The following TET2 variants were observed in gnomAD, a reference collection of about 807,000 sequenced individuals.
TET2 encodes tet methylcytosine dioxygenase 2, also known as methylcytosine dioxygenase TET2.
Under a neutral mutation model 142.9 loss-of-function variants are expected in TET2, and 299 were observed. That is an observed-to-expected ratio of 2.09 (90% CI 1.90 to 2.30). The LOEUF (loss-of-function observed/expected upper bound fraction) is 2.30, where lower values mean the gene tolerates loss of function less well. Ranked by LOEUF, TET2 falls within the 30% of genes most tolerant of loss-of-function variation. TET2 has a pLI of 0.00. For missense variants in TET2, 2,418 were observed against 2,378.0 expected (o/e 1.02, Z -0.35); for synonymous variants, 819 against 849.0 (o/e 0.96, Z 0.61).
chr4:105,245,831 A>G (rs1288578935), intron 6 of TET2, among the ~76,000 whole-genome samples: 1 of 152,214 alleles, frequency 6.6e-6, no homozygotes. Flanking sequence ...TGACGGTTTG[A>G]GATTCTAAAT....
At chr4:105,168,771 T>C (rs1043680457) in intron 1 of TET2, among the ~76,000 whole-genome samples, 2 of 152,100 alleles carry the variant, frequency 1.3e-5, no homozygotes, top group African/African-American at 4.8e-5. Context: ...CTAGAGTCCA[T>C]TGTGTCATTC....
chr4:105,162,942 T>C (rs1161726167), intron 1 of TET2, among the ~76,000 whole-genome samples: 1 of 152,128 alleles, frequency 6.6e-6, no homozygotes, highest in African/African-American at 2.4e-5. Flanking sequence ...TTTTGGGAAA[T>C]ATGCAATGAT....
In TET2 at chr4:105,237,754, A is replaced by G. The variant is rs1417723728; in HGVS notation, c.3409+403A>G. 5.1e-6 allele frequency: 6 copies of G among 1,166,342 alleles called. No individual in the cohort carries two copies. The Admixed American group carries it at 2.2e-4, about 43-fold the overall frequency. The allele number at this position is 1,166,342 out of a possible 1,614,324, so 72.2% of individuals were successfully genotyped here. A position where few individuals can be genotyped will look rare whatever the true frequency, so the allele number is the denominator to read the frequency against. On this transcript the variant is annotated intron_variant, in intron 3 of 10. Transcript: ENST00000380013. The stretch of plus-strand genomic sequence containing the variant: ...AGGCAGTCTAATGTACGAACTTTAA[A>G]TATTTTTTAATTCAAGGTAAAATAT...
At chr4:105,160,431 T>G (rs935678869) in intron 1 of TET2, among the ~76,000 whole-genome samples, 1 of 152,258 alleles carries the variant, frequency 6.6e-6, no homozygotes, top group African/African-American at 2.4e-5. Flanking sequence ...GGTTTGAATA[T>G]TTAAAATATG....
chr4:105,222,043 CTCA>C (rs1310213081), intron 2 of TET2, among the ~76,000 whole-genome samples: 2 of 150,506 alleles, frequency 1.3e-5, no homozygotes, highest in Non-Finnish European at 3.0e-5. Flanking sequence ...AGGACATGAA[CTCA>C]TCATTTTTTA....
At chr4:105,184,412 T>G (rs1725303262) in intron 1 of TET2, among the ~76,000 whole-genome samples, 1 of 152,192 alleles carries the variant, frequency 6.6e-6, no homozygotes, top group Admixed American at 6.5e-5. Context: ...TCAGCCTTGT[T>G]TGGCTATCGT....
chr4:105,174,421 A>G (rs1025601221), intron 1 of TET2, among the ~76,000 whole-genome samples: 3 of 152,224 alleles, frequency 2.0e-5, no homozygotes, highest in Non-Finnish European at 4.4e-5. Context: ...AAAACACAAC[A>G]AGTAAAAAGC....
chr4:105,155,856 A>G (rs1462205458), intron 1 of TET2, among the ~76,000 whole-genome samples: 2 of 152,238 alleles, frequency 1.3e-5, no homozygotes, highest in African/African-American at 4.8e-5. Context: ...TTACTTTTTA[A>G]GAGTATGATC....
rs2110248990 is a variant in TET2, at chr4:105,241,387, C to T, written c.3458C>T (p.Ala1153Val). ...GGTCCTTTTTATACCCATCTAGGAG[C>T]AGGTCCTAATGTGGCAGCTATTAGA... ...DEGPFYTHLG[A>V]GPNVAAIREI... is the part of the protein sequence containing the mutation. The change falls in exon 4 of 11, where the codon GCA becomes GTA. Residue 1153 changes from alanine to valine, a missense_variant. Ala to Val is a moderately conservative substitution (Grantham distance 64, BLOSUM62 0). Transcript: ENST00000380013. The T allele has an allele frequency of 1.3e-6, 2 of 1,550,680 alleles. No homozygotes were observed. The highest frequency in any genetic ancestry group is 8.7e-7 in the Non-Finnish European group (1 of 1,146,620).
chr4:105,190,794 C>G (rs765233844), intron 2 of TET2: 2 of 299,544 alleles, frequency 6.7e-6, no homozygotes, highest in Non-Finnish European at 1.2e-5. Flanking sequence ...TCAAATGTAA[C>G]TATAAACATA....
intron 2 of TET2, among the ~76,000 whole-genome samples, chr4:105,225,375 G>GT (rs1243934405): frequency 6.6e-6 from 1 of 152,070 alleles, no homozygotes; most frequent in Non-Finnish European, 1.5e-5. Context: ...CGCTCTATGA[G>GT]TTTTTTATGT....
rs62332761 is a variant in TET2, at chr4:105,215,032, G to T, written c.-46-18865G>T. 6.0e-3 allele frequency among the ~76,000 whole-genome samples: 910 copies of T among 152,188 alleles called. 5 individuals are homozygous for T. The highest frequency in any genetic ancestry group is 0.01 in the Non-Finnish European group (697 of 68,016). ...GGGAACTGAGCGTTTAATCTACGGG[G>T]TCTGACACTGTCTCCGGGAATTAAA... is the stretch of plus-strand genomic sequence containing the variant. On this transcript the variant is annotated intron_variant, in intron 2 of 10. Coordinates refer to ENST00000380013, the MANE Select transcript of TET2 (RefSeq NM_001127208.3).
chr4:105,256,124 G>T (rs546572046), intron 6 of TET2, among the ~76,000 whole-genome samples: 2 of 151,994 alleles, frequency 1.3e-5, no homozygotes, highest in East Asian at 3.9e-4. Context: ...GATTGATATT[G>T]TCATTTAAAT....
At position 105,151,314 on chromosome 4, in the gene TET2, C is replaced by T. The variant is rs1723288135; in HGVS notation, c.-193+4335C>T. On this transcript the variant is annotated intron_variant, in intron 1 of 10. Transcript: ENST00000380013. ...CCAGCCCAGGCAAGAGGGAGAGACC[C>T]TATCTCAAACAGCGACAACAACAAA... is the stretch of plus-strand genomic sequence containing the variant. Among the ~76,000 whole-genome samples, 3 of 152,072 alleles carry T rather than the reference C, an allele frequency of 2.0e-5. No homozygotes were observed. In the South Asian group the frequency reaches 6.2e-4, roughly 32 times the overall value.
rs1237638072 is a variant in TET2, at chr4:105,244,584, A to ATCTTTTTTTTTTTTTTTT, written c.3803+807_3803+808insCTTTTTTTTTTTTTTTTT. On this transcript the variant is annotated intron_variant, in intron 6 of 10. Coordinates refer to ENST00000380013, the MANE Select transcript of TET2 (RefSeq NM_001127208.3). ...TGAATGTTCACGGTGCTACACAGAA[A>ATCTTTTTTTTTTTTTTTT]TGTTTTTTTTTTTTTTTTTTTTTTT... is the stretch of plus-strand genomic sequence containing the variant. Among the ~76,000 whole-genome samples the ATCTTTTTTTTTTTTTTTT allele has an allele frequency of 4.3e-4, 50 of 116,762 alleles. 4 individuals carry two copies. Among genetic ancestry groups the ATCTTTTTTTTTTTTTTTT allele is most frequent in the Non-Finnish European group, 6.5e-4 (38 of 58,240 alleles). The allele number at this position is 116,762 out of a possible 152,430, so 76.6% of individuals were successfully genotyped here. A position where few individuals can be genotyped will look rare whatever the true frequency, so the allele number is the denominator to read the frequency against.
chr4:105,160,479 T>C (rs9884482), intron 1 of TET2, among the ~76,000 whole-genome samples: 48,898 of 152,052 alleles, frequency 0.32, 9,496 homozygotes, highest in East Asian at 0.63. Flanking sequence ...CATCTAAGGA[T>C]CATTTGAGAT....
At chr4:105,159,850 A>G (rs1024953757) in intron 1 of TET2, among the ~76,000 whole-genome samples, 1 of 152,100 alleles carries the variant, frequency 6.6e-6, no homozygotes, top group Non-Finnish European at 1.5e-5. Flanking sequence ...CTAAAAATAC[A>G]AAAATTAGCT....
chr4:105,244,586 G>GTTTTTTTTTTT (rs566674796), intron 6 of TET2, among the ~76,000 whole-genome samples: 1 of 66,694 alleles, frequency 1.5e-5, no homozygotes, highest in Non-Finnish European at 3.4e-5. Flanking sequence ...ACACAGAAAT[G>GTTTTTTTTTTT]TTTTTTTTTT....
At chr4:105,171,842 C>T (rs368298853) in intron 1 of TET2, 2 of 152,160 alleles carry the variant, frequency 1.3e-5, no homozygotes, top group Admixed American at 6.5e-5. Context: ...CATATGCCTG[C>T]CTTTATCTGC....
Sources: gnomAD v4.1 joint callset for allele counts (sites outside exome capture counted in the v4.1 genomes callset) on GRCh38, gnomAD v4.1.1 for gene constraint, MANE v1.5 for transcripts, NCBI Gene and HGNC (gene_info 2026-07-23, HGNC 2026-07-21) for gene names.